The following LRP1B variants were observed in gnomAD, a reference collection of about 807,000 sequenced individuals.
The protein encoded by LRP1B is LDL receptor related protein 1B, also known as low-density lipoprotein receptor-related protein 1B.
LRP1B carries 217 observed loss-of-function variants against 556.6 expected under a neutral mutation model. The ratio of observed to expected loss-of-function variants is 0.39; its 90% CI spans 0.35 to 0.44. LRP1B has a LOEUF of 0.44. Among genes scored for constraint, LRP1B ranks in the 20% least tolerant of loss-of-function variants. LRP1B has a pLI of 1.00. For synonymous variants in LRP1B, 2,047 were observed against 1,865.8 expected (o/e 1.10, Z -2.50); for missense variants, 5,053 against 5,620.8 (o/e 0.90, Z 3.23).
At chr2:141,034,989 A>T (rs1179295606) in intron 11 of LRP1B, among the ~76,000 whole-genome samples, 1 of 152,106 alleles carries the variant, frequency 6.6e-6, no homozygotes, top group Non-Finnish European at 1.5e-5. Flanking sequence ...TGGATTAAGA[A>T]AATGTGGCAC....
intron 1 of LRP1B, among the ~76,000 whole-genome samples, chr2:142,116,524 G>C (rs566941481): frequency 2.0e-5 from 3 of 152,180 alleles, no homozygotes; most frequent in Admixed American, 6.5e-5. Flanking sequence ...ATCCTGGATT[G>C]GATATTGGGA....
chr2:140,832,671 T>C lies in LRP1B; in HGVS notation c.5209+7320A>G, dbSNP rs368562353. On this transcript the variant is annotated intron_variant, in intron 31 of 90. Transcript: ENST00000389484. ...GACAAATACCACATGTTCTCCCACA[T>C]ATATGGAAGCTAAAAAAGTAGATCT... is the stretch of plus-strand genomic sequence containing the variant. 4.6e-5 allele frequency among the ~76,000 whole-genome samples: 7 copies of C among 152,262 alleles called. No homozygotes were observed. The East Asian group carries it at 9.7e-4, about 21-fold the overall frequency.
chr2:141,118,412 T>C (rs1700960146), intron 7 of LRP1B, among the ~76,000 whole-genome samples: 2 of 151,964 alleles, frequency 1.3e-5, no homozygotes, highest in Non-Finnish European at 2.9e-5. Flanking sequence ...AGTTAACTTT[T>C]CAACTTTCTT....
intron 1 of LRP1B, among the ~76,000 whole-genome samples, chr2:142,023,535 G>C (rs1440742053): frequency 6.6e-6 from 1 of 152,050 alleles, no homozygotes; most frequent in Non-Finnish European, 1.5e-5. Flanking sequence ...CATTCTTCGA[G>C]GTCAATACTC....
intron 2 of LRP1B, among the ~76,000 whole-genome samples, chr2:141,776,341 T>C (rs1162508256): frequency 6.6e-6 from 1 of 152,208 alleles, no homozygotes; most frequent in African/African-American, 2.4e-5. Flanking sequence ...CTTAAGTCCA[T>C]ATTGCATGAG....
At chr2:140,469,643 A>T (rs576475799) in intron 60 of LRP1B, among the ~76,000 whole-genome samples, 41 of 152,276 alleles carry the variant, frequency 2.7e-4, no homozygotes, top group Admixed American at 2.2e-3. Context: ...CCTGTCCAAT[A>T]CTTGAATCAA....
intron 2 of LRP1B, among the ~76,000 whole-genome samples, chr2:141,787,379 C>T (rs1305248163): frequency 1.3e-5 from 2 of 151,842 alleles, no homozygotes; most frequent in African/African-American, 2.4e-5. Flanking sequence ...AACTGTGATA[C>T]AGCTACACAA....
chr2:141,875,700 C>T (rs1698733767), intron 1 of LRP1B, among the ~76,000 whole-genome samples: 2 of 151,848 alleles, frequency 1.3e-5, no homozygotes. Flanking sequence ...GGTAAGTTCC[C>T]CCACAAGGGT....
At position 141,666,343 on chromosome 2, in the gene LRP1B, C is replaced by G. The variant is rs142203692; in HGVS notation, c.205+143936G>C. 2.0e-3 allele frequency among the ~76,000 whole-genome samples: 302 copies of G among 152,202 alleles called. 1 individual carries two copies. Among genetic ancestry groups the G allele is most frequent in the South Asian group, 5.2e-3 (25 of 4,816 alleles). ...CAAGCAGGTAAATGTAAAGCCTTATCTCATGGTGGCAATCAAATCCCATTT... is the reference window on the plus strand; with the variant it reads ...CAAGCAGGTAAATGTAAAGCCTTATGTCATGGTGGCAATCAAATCCCATTT... On this transcript the variant is annotated intron_variant, in intron 2 of 90. Transcript: ENST00000389484.
intron 66 of LRP1B, among the ~76,000 whole-genome samples, chr2:140,399,593 G>A (rs1300252437): frequency 6.6e-6 from 1 of 152,116 alleles, no homozygotes; most frequent in Non-Finnish European, 1.5e-5. Context: ...GTACATTTTA[G>A]AAACACCATT....
chr2:140,536,526 T>G (rs1690981006), intron 46 of LRP1B, 55 bp downstream of exon 46: 21 of 1,554,468 alleles, frequency 1.4e-5, no homozygotes, highest in Non-Finnish European at 1.8e-5. Flanking sequence ...AACCAAAAAC[T>G]GTAAAGAATC....
chr2:141,677,802 T>G (rs541713166), intron 2 of LRP1B, among the ~76,000 whole-genome samples: 2 of 152,208 alleles, frequency 1.3e-5, no homozygotes, highest in Admixed American at 1.3e-4. Flanking sequence ...TTTTTCTTTT[T>G]CTTAAAAGCA....
chr2:141,620,668 T>C (rs573360089), intron 2 of LRP1B, among the ~76,000 whole-genome samples: 1 of 152,356 alleles, frequency 6.6e-6, no homozygotes, highest in South Asian at 2.1e-4. Flanking sequence ...AAATCACTCA[T>C]GGTGGAATAA....
At chr2:140,997,274 A>G (rs1194415783) in intron 15 of LRP1B, among the ~76,000 whole-genome samples, 3 of 152,034 alleles carry the variant, frequency 2.0e-5, no homozygotes, top group East Asian at 1.9e-4. Flanking sequence ...AGGCACTACA[A>G]AAGAAAATAT....
chr2:140,352,226 A>T (rs550923996), intron 76 of LRP1B, among the ~76,000 whole-genome samples: 1 of 152,072 alleles, frequency 6.6e-6, no homozygotes, highest in South Asian at 2.1e-4. Context: ...CCCAGGCTGG[A>T]GTTCAGTGGC....
At chr2:141,413,871 G>C (rs985621320) in intron 3 of LRP1B, among the ~76,000 whole-genome samples, 35 of 148,574 alleles carry the variant, frequency 2.4e-4, no homozygotes, top group Non-Finnish European at 1.5e-5. Context: ...ACAGTGAGGA[G>C]AGAGAGAGAG....
chr2:142,003,398 G>A (rs1702714134), intron 1 of LRP1B, among the ~76,000 whole-genome samples: 1 of 152,134 alleles, frequency 6.6e-6, no homozygotes, highest in Admixed American at 6.6e-5. Flanking sequence ...GCTGGGGATT[G>A]GGAAGAGAAC....
intron 66 of LRP1B, among the ~76,000 whole-genome samples, chr2:140,393,108 A>AT (rs1438131723): frequency 1.4e-5 from 2 of 146,874 alleles, no homozygotes; most frequent in Middle Eastern, 3.5e-3. Context: ...GTTTTCTTTT[A>AT]TTTTTTGTAG....
chr2:141,963,754 C>A (rs1393680320), intron 1 of LRP1B, among the ~76,000 whole-genome samples: 1 of 147,092 alleles, frequency 6.8e-6, no homozygotes, highest in Non-Finnish European at 1.5e-5. Context: ...GGCAATCAGG[C>A]AGGAGAAGGA....
Sources: allele counts gnomAD v4.1 joint callset (sites outside exome capture counted in the v4.1 genomes callset), GRCh38; gene constraint gnomAD v4.1.1; transcripts MANE v1.5; gene names NCBI Gene and HGNC (gene_info 2026-07-23, HGNC 2026-07-21).